The following DYNC1H1 variants were observed in gnomAD, a reference collection of about 807,000 sequenced individuals.
The protein encoded by DYNC1H1 is dynein cytoplasmic 1 heavy chain 1, also known as cytoplasmic dynein 1 heavy chain 1.
DYNC1H1 carries 51 observed loss-of-function variants against 527.1 expected under a neutral mutation model. The ratio of observed to expected loss-of-function variants is 0.10; its 90% CI spans 0.08 to 0.12. The LOEUF is 0.12. DYNC1H1 is among the 10% of genes least tolerant of loss of function. The probability of loss-of-function intolerance (pLI) is 1.00; values close to 1 mark genes in which losing one functional copy is unlikely to be tolerated. For missense variants in DYNC1H1, 2,771 were observed against 5,971.8 expected (o/e 0.46, Z 17.66); for synonymous variants, 2,189 against 2,278.8 (o/e 0.96, Z 1.12).
rs1257302790 is a variant in DYNC1H1, at chr14:101,964,682, G to C, written c.-10G>C. 2 of 1,584,220 alleles carry C rather than the reference G, an allele frequency of 1.3e-6. No individual in the cohort carries two copies. Among genetic ancestry groups the C allele is most frequent in the South Asian group, 1.1e-5 (1 of 88,994 alleles). The stretch of plus-strand genomic sequence containing the variant: ...TCTCATCGCTCCTGGAAGGTCCCGA[G>C]CGCGACACCATGTCGGAGCCCGGGG... On this transcript the variant is annotated 5_prime_UTR_variant, in exon 1 of 78. Transcript: ENST00000360184. The surrounding 1 kb of genome is among the most constrained non-coding windows in gnomAD (Gnocchi z 5.5).
rs770981625 is a variant in DYNC1H1 at position 102,032,332 on chromosome 14, C to G, written c.9944C>G (p.Ala3315Gly). Residue 3315 changes from alanine to glycine, a missense_variant, in exon 52 of 78, where the codon GCT (alanine) becomes GGT (glycine). Physicochemically the swap from Ala to Gly is moderately conservative, Grantham distance 60. Around this residue, in one of 32 missense-constraint regions of DYNC1H1, gnomAD observed 2 missense variants for 41.7 expected, o/e 0.05. Coordinates refer to ENST00000360184, the MANE Select transcript of DYNC1H1 (RefSeq NM_001376.5). ...VEVRSMANPP[A>G]AVKLALESIC... is the part of the protein sequence containing the mutation. ...GTGAGGTCCATGGCCAACCCTCCTG[C>G]TGCTGTGAAGCTGGCGCTGGAGTCC... is the stretch of plus-strand genomic sequence containing the variant. 6 of 1,614,224 alleles carry G rather than the reference C, an allele frequency of 3.7e-6. No homozygotes were observed. Among genetic ancestry groups the G allele is most frequent in the Non-Finnish European group, 1.7e-6 (2 of 1,180,042 alleles).
In DYNC1H1 at chr14:101,965,073, A is replaced by G. The variant is rs1044268214; in HGVS notation, c.256+126A>G. 1 of 1,060,686 alleles carries G rather than the reference A, an allele frequency of 9.4e-7. No homozygotes were observed. Among genetic ancestry groups the G allele is most frequent in the African/African-American group, 1.7e-5 (1 of 59,496 alleles). 65.7% of individuals were successfully genotyped at this position (1,060,686 alleles called of 1,614,324 possible). ...CCCGGCAGCTGCAGATGACCCCTGG[A>G]TGGGCAGAGCCCGGCGGCCGCAGAC... is the stretch of plus-strand genomic sequence containing the variant. On this transcript the variant is annotated intron_variant, in intron 1 of 77. Transcript: ENST00000360184. This position sits in a 1 kb window ranked among gnomAD's most constrained non-coding sequence, Gnocchi z 4.1.
chr14:101,964,757 G>T lies in DYNC1H1; in HGVS notation c.66G>T (p.Gln22His). The change falls in exon 1 of 78, where the codon CAG (glutamine) becomes CAT (histidine). Residue 22 changes from glutamine to histidine, a missense_variant. Gln to His is a conservative substitution (Grantham distance 24, BLOSUM62 0). Transcript: ENST00000360184. This position sits in a 1 kb window ranked among gnomAD's most constrained non-coding sequence, Gnocchi z 5.5. Reference sequence around the variant, plus strand: ...CCGGATTGGAAGTGTCGGCCGTGCAGAATGTGGCGGACGTGTCGGTGCTGC... The same window carrying T: ...CCGGATTGGAAGTGTCGGCCGTGCATAATGTGGCGGACGTGTCGGTGCTGC... ...GSAGLEVSAV[Q>H]NVADVSVLQK... 1 of 1,598,880 alleles carries T rather than the reference G, an allele frequency of 6.3e-7. No homozygotes were observed. Among genetic ancestry groups the T allele is most frequent in the Non-Finnish European group, 8.5e-7 (1 of 1,175,920 alleles).
At position 101,983,617 on chromosome 14, in the gene DYNC1H1, T is replaced by A. The variant is rs773973215; in HGVS notation, c.1461+8T>A. The A allele has an allele frequency of 6.2e-7, 1 of 1,613,026 alleles. No homozygotes were observed. Among genetic ancestry groups the A allele is most frequent in the Non-Finnish European group, 8.5e-7 (1 of 1,179,440 alleles). On this transcript the variant is annotated splice_region_variant and intron_variant, in intron 7 of 77. Coordinates refer to ENST00000360184, the MANE Select transcript of DYNC1H1 (RefSeq NM_001376.5). The surrounding 1 kb of genome is among the most constrained non-coding windows in gnomAD (Gnocchi z 5.3). ...AGGGTCCTGAGGCCACAGGTAAGAT[T>A]TGCATTCTAAAAGTTTGTGTTTTGT...
intron 42 of DYNC1H1, among the ~76,000 whole-genome samples, chr14:102,022,198 G>A (rs2048392283): frequency 6.6e-6 from 1 of 151,966 alleles, no homozygotes; most frequent in Non-Finnish European, 1.5e-5. Context: ...AAGTAAGTAA[G>A]TAAGAGTGAG....
In DYNC1H1 at chr14:102,010,157, T is replaced by G; in HGVS notation, c.6221+71T>G. ...AAATGTGTCCATTTAACCTTAAAAT[T>G]TTTATATGTAATGATGGTACGTCTT... is the stretch of plus-strand genomic sequence containing the variant. On this transcript the variant is annotated intron_variant, in intron 30 of 77. Coordinates refer to ENST00000360184, the MANE Select transcript of DYNC1H1 (RefSeq NM_001376.5). The surrounding 1 kb of genome is among the most constrained non-coding windows in gnomAD (Gnocchi z 6.0). 7 of 1,612,624 alleles carry G rather than the reference T, an allele frequency of 4.3e-6. No homozygotes were observed. The highest frequency in any genetic ancestry group is 5.1e-6 in the Non-Finnish European group (6 of 1,179,560).
rs566271356 is a variant in DYNC1H1 at position 101,988,691 on chromosome 14, CGTT to C, written c.2719-9_2719-7del. On this transcript the variant is annotated splice_polypyrimidine_tract_variant and intron_variant, in intron 9 of 77. Transcript: ENST00000360184. ...GAAGAAACACTGTTCTCTGATATAA[CGTT>C]GTCTGTAGATTGAAAGAATATTGGG... 246 of 1,613,960 alleles carry C rather than the reference CGTT, an allele frequency of 1.5e-4. No individual in the cohort carries two copies. Among genetic ancestry groups the C allele is most frequent in the Non-Finnish European group, 1.4e-4 (168 of 1,180,016 alleles).
rs765040462 is a variant in DYNC1H1, at chr14:102,039,289, CCG to C, written c.11460+37_11460+38del. The C allele has an allele frequency of 6.2e-7, 1 of 1,611,616 alleles. No individual in the cohort carries two copies. Among genetic ancestry groups the C allele is most frequent in the South Asian group, 1.1e-5 (1 of 90,976 alleles). ...TTGGCCATGCAGAGACTGGCGGGCC[CCG>C]CACAGTAGCTCCTTGGCCGCACAGA... On this transcript the variant is annotated intron_variant, in intron 60 of 77. Transcript: ENST00000360184. The surrounding 1 kb of genome is among the most constrained non-coding windows in gnomAD (Gnocchi z 7.0).
In DYNC1H1 at chr14:101,994,771, A is replaced by G. The variant is rs755867308; in HGVS notation, c.3255A>G (p.Gln1085=). 1 of 1,614,236 alleles carries G rather than the reference A, an allele frequency of 6.2e-7. No homozygotes were observed. Among genetic ancestry groups the G allele is most frequent in the South Asian group, 1.1e-5 (1 of 91,086 alleles). The change falls in exon 13 of 78, where the codon CAA becomes CAG. Residue 1085 remains glutamine, a synonymous_variant. Coordinates refer to ENST00000360184, the MANE Select transcript of DYNC1H1 (RefSeq NM_001376.5). ...DLNKWQALLV[Q]IRKARGTFDN... ...ACAAATGGCAGGCTCTCCTGGTCCA[A>G]ATAAGGAAGGCCAGAGGAACCTTTG...
Position 101,997,885 on chromosome 14 carries a change from A to G in DYNC1H1, c.3804+611A>G, listed in dbSNP as rs1288250646. ...GGAGAGAGAAAAAAAATGAGCAAGA[A>G]GAGACAGGAAAGGCAGGTGGTGGTG... On this transcript the variant is annotated intron_variant, in intron 16 of 77. Transcript: ENST00000360184. This position sits in a 1 kb window ranked among gnomAD's most constrained non-coding sequence, Gnocchi z 4.8. Among the ~76,000 whole-genome samples, 2 of 152,186 alleles carry G rather than the reference A, an allele frequency of 1.3e-5. No homozygotes were observed. The highest frequency in any genetic ancestry group is 3.8e-4 in the East Asian group (2 of 5,196).
chr14:101,982,449 G>A (rs142892178), intron 5 of DYNC1H1, among the ~76,000 whole-genome samples: 23 of 152,076 alleles, frequency 1.5e-4, no homozygotes, highest in African/African-American at 4.8e-4. Context: ...AAAATTAGCC[G>A]GGCGTGGTGG....
At chr14:101,996,915 G>A in intron 15 of DYNC1H1, 120 bp from the exon 16 acceptor site, 2 of 1,400,218 alleles carry the variant, frequency 1.4e-6, no homozygotes, top group Non-Finnish European at 9.7e-7. Context: ...GAACCACTGT[G>A]TCTGGCCAGT....
Position 102,017,582 on chromosome 14 carries a change from C to A in DYNC1H1, c.8177+78C>A. On this transcript the variant is annotated intron_variant, in intron 40 of 77. Coordinates refer to ENST00000360184, the MANE Select transcript of DYNC1H1 (RefSeq NM_001376.5). The surrounding 1 kb of genome is among the most constrained non-coding windows in gnomAD (Gnocchi z 4.6). ...GCTGTAAACACAGCGCCACAAAAAC[C>A]TGGTTTTGATAATAAAGACAACAAT... The A allele has an allele frequency of 1.2e-6, 2 of 1,612,574 alleles. No individual in the cohort carries two copies. Among genetic ancestry groups the A allele is most frequent in the Non-Finnish European group, 1.7e-6 (2 of 1,178,802 alleles).
intron 1 of DYNC1H1, among the ~76,000 whole-genome samples, chr14:101,972,613 A>C (rs1435037414): frequency 6.6e-6 from 1 of 152,132 alleles, no homozygotes; most frequent in Non-Finnish European, 1.5e-5. Context: ...TAGTTCCCCT[A>C]ACCCGGTTTG....
At chr14:101,978,118 G>A (rs1234297665) in intron 2 of DYNC1H1, among the ~76,000 whole-genome samples, 2 of 152,094 alleles carry the variant, frequency 1.3e-5, no homozygotes, top group South Asian at 2.1e-4. Context: ...GCAGTGGTGC[G>A]ATCTCGGCTC....
chr14:102,020,123 C>A lies in DYNC1H1; in HGVS notation c.8507+67C>A. ...CTCTGAGTTCTTACAGCTGTCGAAGCTGGGGTCTTTGCAGGGGTGGTCTGC... is the reference window on the plus strand; with the variant it reads ...CTCTGAGTTCTTACAGCTGTCGAAGATGGGGTCTTTGCAGGGGTGGTCTGC... On this transcript the variant is annotated intron_variant, in intron 42 of 77. Transcript: ENST00000360184. The surrounding 1 kb of genome is among the most constrained non-coding windows in gnomAD (Gnocchi z 4.3). 1 of 1,587,584 alleles carries A rather than the reference C, an allele frequency of 6.3e-7. No individual in the cohort carries two copies. The highest frequency in any genetic ancestry group is 1.1e-5 in the South Asian group (1 of 88,444).
rs1454377021 is a variant in DYNC1H1 at position 102,008,972 on chromosome 14, C to G, written c.5977+635C>G. On this transcript the variant is annotated intron_variant, in intron 29 of 77. Transcript: ENST00000360184. ...TCCATGGTCTTTGCCACGGGATGAG[C>G]GTGTCCTCTGGTGCGGGCCCTTGGT... Among the ~76,000 whole-genome samples the G allele has an allele frequency of 2.0e-5, 3 of 152,218 alleles. No individual in the cohort carries two copies. In the East Asian group the frequency reaches 5.8e-4, roughly 29 times the overall value.
intron 5 of DYNC1H1, among the ~76,000 whole-genome samples, chr14:101,981,645 A>G (rs1490495745): frequency 6.6e-6 from 1 of 152,226 alleles, no homozygotes; most frequent in Non-Finnish European, 1.5e-5. Flanking sequence ...TAAATGTTAG[A>G]GAAAATTGTA....
chr14:102,013,248 CAAAAAA>C (rs57229386), intron 34 of DYNC1H1, among the ~76,000 whole-genome samples: 2 of 41,314 alleles, frequency 4.8e-5, no homozygotes, highest in African/African-American at 1.9e-4. Context: ...GACTCCGTCT[CAAAAAA>C]AAAAAAAAAA....
Sources: allele counts gnomAD v4.1 joint callset (sites outside exome capture counted in the v4.1 genomes callset), GRCh38; gene constraint gnomAD v4.1.1; regional missense constraint gnomAD v4.1.1; non-coding constraint Gnocchi (gnomAD v3.1); transcripts MANE v1.5; gene names NCBI Gene and HGNC (gene_info 2026-07-23, HGNC 2026-07-21).